The following LRRTM4 variants were observed in gnomAD, a reference collection of about 807,000 sequenced individuals.
LRRTM4 encodes leucine rich repeat transmembrane neuronal 4.
Under a neutral mutation model 47.6 loss-of-function variants are expected in LRRTM4, and 25 were observed. The observed-to-expected ratio is 0.53, with a 90% CI of 0.38 to 0.73. The LOEUF (loss-of-function observed/expected upper bound fraction) is 0.73, where lower values mean the gene tolerates loss of function less well. Ranked by LOEUF, LRRTM4 falls within the 30% of genes least tolerant of loss-of-function variation. The probability of loss-of-function intolerance (pLI) is 0.00; values close to 1 mark genes in which losing one functional copy is unlikely to be tolerated. For synonymous variants in LRRTM4, 311 were observed against 269.5 expected (o/e 1.15, Z -1.51); for missense variants, 638 against 713.4 (o/e 0.89, Z 1.20).
rs1677877037 is a variant in LRRTM4 at position 77,011,560 on chromosome 2, TGTGTGTGTGTG to T, written c.1552-262655_1552-262645del. On this transcript the variant is annotated intron_variant, in intron 3 of 3. Transcript: ENST00000409884. ...GTGTGTGTGTGTGTGTGTGTGTGTG[TGTGTGTGTGTG>T]TGTGTGTAGAATGAAGAAAATGTGA... Among the ~76,000 whole-genome samples the T allele has an allele frequency of 1.1e-4, 17 of 151,156 alleles. No homozygotes were observed. The South Asian group carries it at 3.1e-3, about 28-fold the overall frequency.
intron 3 of LRRTM4, among the ~76,000 whole-genome samples, chr2:77,150,478 T>A (rs1672386618): frequency 6.6e-6 from 1 of 152,314 alleles, no homozygotes; most frequent in South Asian, 2.1e-4. Flanking sequence ...GAGACACCGA[T>A]TGACTGACTA....
In LRRTM4 at chr2:77,004,576, A is replaced by G. The variant is rs141968741; in HGVS notation, c.1552-255660T>C. The stretch of plus-strand genomic sequence containing the variant: ...CCTCATGGAGAACCTCTGCTAGAGC[A>G]GTGCAGAGGAGAAATGTAGGGTCGG... On this transcript the variant is annotated intron_variant, in intron 3 of 3. Coordinates refer to ENST00000409884, the MANE Select transcript of LRRTM4 (RefSeq NM_001134745.3). Among the ~76,000 whole-genome samples, 18 of 152,294 alleles carry G rather than the reference A, an allele frequency of 1.2e-4. No individual in the cohort carries two copies. The East Asian group carries it at 3.5e-3, about 30-fold the overall frequency.
chr2:76,789,805 A>G (rs934924035), intron 3 of LRRTM4, among the ~76,000 whole-genome samples: 12 of 152,090 alleles, frequency 7.9e-5, no homozygotes, highest in Admixed American at 3.9e-4. Context: ...GTGTCTTCCC[A>G]TTTTATTATT....
chr2:76,872,008 C>T (rs771300342), intron 3 of LRRTM4, among the ~76,000 whole-genome samples: 1 of 152,102 alleles, frequency 6.6e-6, no homozygotes, highest in Non-Finnish European at 1.5e-5. Context: ...GTGGGGAACC[C>T]GAGGCAGAAG....
intron 3 of LRRTM4, among the ~76,000 whole-genome samples, chr2:76,810,458 T>C (rs1397666455): frequency 6.6e-6 from 1 of 152,208 alleles, no homozygotes; most frequent in Non-Finnish European, 1.5e-5. Context: ...TCTTATGTTT[T>C]TGATTTGCTT....
chr2:77,187,874 AAAT>A lies in LRRTM4; in HGVS notation c.1551+330441_1551+330443del, dbSNP rs1186908804. On this transcript the variant is annotated intron_variant, in intron 3 of 3. Transcript: ENST00000409884. ...AATCATTTTATTTTTTCTTATGAAAAAATAATAATGGATACTTCCTATGAAAAT... is the reference window on the plus strand; with the variant it reads ...AATCATTTTATTTTTTCTTATGAAAAAATAATGGATACTTCCTATGAAAAT... 9.9e-5 allele frequency among the ~76,000 whole-genome samples: 15 copies of A among 152,096 alleles called. No individual in the cohort carries two copies. In the South Asian group the frequency reaches 1.2e-3, roughly 13 times the overall value.
rs183060850 is a variant in LRRTM4 at position 77,139,149 on chromosome 2, A to C, written c.1551+379169T>G. ...GAGGCCAGCATCGTCCTGATACCAA[A>C]GGCTGACAGAGACACAACAAAAAAA... On this transcript the variant is annotated intron_variant, in intron 3 of 3. Transcript: ENST00000409884. 2.7e-3 allele frequency among the ~76,000 whole-genome samples: 414 copies of C among 152,208 alleles called. 1 individual carries two copies. Among genetic ancestry groups the C allele is most frequent in the African/African-American group, 9.7e-3 (403 of 41,514 alleles).
At chr2:77,456,992 ATG>A (rs372166999) in intron 3 of LRRTM4, among the ~76,000 whole-genome samples, 32,210 of 122,750 alleles carry the variant, frequency 0.26, 5,285 homozygotes, top group African/African-American at 0.36. Flanking sequence ...ATATTAGTGT[ATG>A]TGTGTGTGTG....
At position 76,781,338 on chromosome 2, in the gene LRRTM4, A is replaced by C. The variant is rs927807663; in HGVS notation, c.1552-32422T>G. The stretch of plus-strand genomic sequence containing the variant: ...TAATCAAGCCTGTTCAATGGCGGGC[A>C]CCCCTCCCCCAGCCTGGCTGCCGCC... On this transcript the variant is annotated intron_variant, in intron 3 of 3. Coordinates refer to ENST00000409884, the MANE Select transcript of LRRTM4 (RefSeq NM_001134745.3). Among the ~76,000 whole-genome samples the C allele has an allele frequency of 1.1e-4, 16 of 150,530 alleles. No individual in the cohort carries two copies. In the East Asian group the frequency reaches 3.2e-3, roughly 30 times the overall value.
At chr2:76,782,113 C>G (rs935591624) in intron 3 of LRRTM4, among the ~76,000 whole-genome samples, 5 of 152,126 alleles carry the variant, frequency 3.3e-5, no homozygotes, top group Non-Finnish European at 5.9e-5. Context: ...GTATGCCTTT[C>G]TTATAGCTAT....
Position 77,521,804 on chromosome 2 carries a change from G to T in LRRTM4, c.-133C>A. Reference sequence around the variant, plus strand: ...CCATTCTGATCCCGCATGTGAGCTAGTAGCCCCATACAAACTTCCCCGAGA... The same window carrying T: ...CCATTCTGATCCCGCATGTGAGCTATTAGCCCCATACAAACTTCCCCGAGA... On this transcript the variant is annotated 5_prime_UTR_variant, in exon 2 of 4. Coordinates refer to ENST00000409884, the MANE Select transcript of LRRTM4 (RefSeq NM_001134745.3). 2 of 700,602 alleles carry T rather than the reference G, an allele frequency of 2.9e-6. No individual in the cohort carries two copies. The highest frequency in any genetic ancestry group is 4.6e-6 in the Non-Finnish European group (2 of 434,942). The allele number at this position is 700,602 out of a possible 1,614,324, so 43.4% of individuals were successfully genotyped here.
intron 3 of LRRTM4, among the ~76,000 whole-genome samples, chr2:77,094,987 A>C (rs1670767736): frequency 6.6e-6 from 1 of 152,342 alleles, no homozygotes; most frequent in Non-Finnish European, 1.5e-5. Flanking sequence ...GGGTGAAGAG[A>C]CAACCATAGA....
rs1418682366 is a variant in LRRTM4 at position 76,796,184 on chromosome 2, T to G, written c.1552-47268A>C. On this transcript the variant is annotated intron_variant, in intron 3 of 3. Transcript: ENST00000409884. ...GGGTCCTACGCCCACAGAGCCTCGC[T>G]GATTGCTAGCACAGCAGTCTGAGAT... Among the ~76,000 whole-genome samples the G allele has an allele frequency of 2.1e-5, 3 of 143,094 alleles. 1 individual carries two copies. Among genetic ancestry groups the G allele is most frequent in the African/African-American group, 2.6e-5 (1 of 39,056 alleles). The allele number at this position is 143,094 out of a possible 152,430, so 93.9% of individuals were successfully genotyped here. A position where few individuals can be genotyped will look rare whatever the true frequency, so the allele number is the denominator to read the frequency against.
intron 3 of LRRTM4, among the ~76,000 whole-genome samples, chr2:76,876,882 C>G (rs957383831): frequency 2.6e-5 from 4 of 151,954 alleles, no homozygotes; most frequent in African/African-American, 9.7e-5. Context: ...GCCAGGCAAT[C>G]AAAAGGAGAT....
At chr2:77,420,472 C>T (rs1674831670) in intron 3 of LRRTM4, among the ~76,000 whole-genome samples, 1 of 151,970 alleles carries the variant, frequency 6.6e-6, no homozygotes, top group East Asian at 1.9e-4. Context: ...CTGCCCACCA[C>T]AAGTATAAAA....
chr2:77,056,587 C>T (rs1055554507), intron 3 of LRRTM4, among the ~76,000 whole-genome samples: 5 of 152,018 alleles, frequency 3.3e-5, no homozygotes, highest in African/African-American at 1.2e-4. Flanking sequence ...AAAAGACTGT[C>T]ATAAAAATAC....
At chr2:77,132,283 G>A (rs1241904987) in intron 3 of LRRTM4, among the ~76,000 whole-genome samples, 1 of 152,076 alleles carries the variant, frequency 6.6e-6, no homozygotes, top group Non-Finnish European at 1.5e-5. Flanking sequence ...TTAGCATACT[G>A]ACTTTCATTT....
chr2:76,812,219 A>T (rs146257784), intron 3 of LRRTM4, among the ~76,000 whole-genome samples: 109 of 152,256 alleles, frequency 7.2e-4, no homozygotes, highest in Non-Finnish European at 1.2e-3. Flanking sequence ...CCATATATCT[A>T]ATCCAATTTT....
chr2:76,913,873 A>G (rs982382416), intron 3 of LRRTM4, among the ~76,000 whole-genome samples: 21 of 152,116 alleles, frequency 1.4e-4, no homozygotes, highest in Admixed American at 1.4e-3. Context: ...TATTAGAAGT[A>G]TTAGAAAATG....
Sources: allele counts gnomAD v4.1 joint callset (sites outside exome capture counted in the v4.1 genomes callset), GRCh38; gene constraint gnomAD v4.1.1; transcripts MANE v1.5; gene names NCBI Gene and HGNC (gene_info 2026-07-23, HGNC 2026-07-21).